The following RAI14 variants were observed in gnomAD, a reference collection of about 807,000 sequenced individuals.
The protein encoded by RAI14 is retinoic acid induced 14, also known as ankycorbin.
Under a neutral mutation model 115.4 loss-of-function variants are expected in RAI14, and 45 were observed. That is an observed-to-expected ratio of 0.39 (90% CI 0.31 to 0.50). The LOEUF (loss-of-function observed/expected upper bound fraction) is 0.50. RAI14 is among the 20% of genes least tolerant of loss of function. The pLI is 0.85. For synonymous variants in RAI14, 371 were observed against 415.4 expected, an observed-to-expected ratio of 0.89 and a Z score of 1.30; for missense variants, 939 against 1,131.2, an observed-to-expected ratio of 0.83 and a Z score of 2.44.
At chr5:34,688,652 G>A (rs1362723381) in intron 2 of RAI14, among the ~76,000 whole-genome samples, 2 of 152,140 alleles carry the variant, frequency 1.3e-5, no homozygotes, top group Non-Finnish European at 2.9e-5. Flanking sequence ...ACCTGGGGGA[G>A]GAGAGCCTGG....
chr5:34,813,697 C>T (rs779857557), intron 11 of RAI14, 37 bp downstream of exon 11: 3 of 1,501,290 alleles, frequency 2.0e-6, no homozygotes, highest in South Asian at 2.4e-5. Context: ...AATAAACGCA[C>T]CACAAGAAAG....
At chr5:34,674,897 ATTT>A (rs35952675) in intron 1 of RAI14, among the ~76,000 whole-genome samples, 1 of 130,312 alleles carries the variant, frequency 7.7e-6, no homozygotes, top group African/African-American at 2.7e-5. Flanking sequence ...ACTTCATTGG[ATTT>A]TTTTTTTTTT....
At position 34,789,730 on chromosome 5, in the gene RAI14, T is replaced by C. The variant is rs140364521; in HGVS notation, c.168-6209T>C. Among the ~76,000 whole-genome samples, 924 of 152,366 alleles carry C rather than the reference T, an allele frequency of 6.1e-3. 11 individuals are homozygous for C. The highest frequency in any genetic ancestry group is 0.021 in the African/African-American group (884 of 41,586). On this transcript the variant is annotated intron_variant, in intron 3 of 17. Transcript: ENST00000265109. ...GTGCCATGCTTTGTGTTGGTGAGGA[T>C]ACAATAATTGGTGGCATGTTTTGAG...
At chr5:34,708,201 G>GTTTTTTTTTTTTTTTTTTTTTTTTT (rs146605112) in intron 2 of RAI14, among the ~76,000 whole-genome samples, 2 of 147,312 alleles carry the variant, frequency 1.4e-5, no homozygotes, top group Non-Finnish European at 3.0e-5. Flanking sequence ...GGAACTTTGG[G>GTTTTTTTTTTTTTTTTTTTTTTTTT]TTTTTGTTTT....
chr5:34,800,943 C>T (rs548001340), intron 4 of RAI14, among the ~76,000 whole-genome samples: 4 of 152,292 alleles, frequency 2.6e-5, no homozygotes, highest in Admixed American at 2.0e-4. Context: ...ATTTGTAAGG[C>T]ATTTGTTTAA....
At chr5:34,682,505 A>C (rs1313135166) in intron 1 of RAI14, among the ~76,000 whole-genome samples, 1 of 151,338 alleles carries the variant, frequency 6.6e-6, no homozygotes, top group Non-Finnish European at 1.5e-5. Context: ...TTTTAAAGGG[A>C]AAATGAACTG....
intron 1 of RAI14, among the ~76,000 whole-genome samples, chr5:34,672,164 T>TA (rs900289456): frequency 7.3e-5 from 11 of 151,642 alleles, no homozygotes; most frequent in South Asian, 2.1e-4. Flanking sequence ...ACTTTTTATT[T>TA]AAAAAAAAAC....
chr5:34,705,425 T>G (rs1391413446), intron 2 of RAI14, among the ~76,000 whole-genome samples: 1 of 152,168 alleles, frequency 6.6e-6, no homozygotes, highest in Non-Finnish European at 1.5e-5. Flanking sequence ...CCAGCTTATT[T>G]GTACTTTATA....
At chr5:34,800,282 G>C (rs1320863356) in intron 4 of RAI14, among the ~76,000 whole-genome samples, 1 of 152,136 alleles carries the variant, frequency 6.6e-6, no homozygotes, top group Non-Finnish European at 1.5e-5. Flanking sequence ...TAAGTAAAAG[G>C]GTTCTTAGAC....
chr5:34,668,888 C>T (rs188846955), intron 1 of RAI14, among the ~76,000 whole-genome samples: 43 of 152,076 alleles, frequency 2.8e-4, no homozygotes, highest in African/African-American at 7.0e-4. Flanking sequence ...GATAGAGTCT[C>T]GCTCTGTCCC....
chr5:34,825,634 C>G (rs778570500), intron 15 of RAI14, among the ~76,000 whole-genome samples: 1 of 151,782 alleles, frequency 6.6e-6, no homozygotes, highest in Non-Finnish European at 1.5e-5. Context: ...TTTGAGATGG[C>G]GCTGGACACA....
intron 2 of RAI14, among the ~76,000 whole-genome samples, chr5:34,730,794 C>T (rs2150021234): frequency 1.3e-5 from 2 of 152,234 alleles, no homozygotes; most frequent in South Asian, 4.2e-4. Flanking sequence ...ACCAGCCTGG[C>T]CAACATGGTG....
intron 3 of RAI14, among the ~76,000 whole-genome samples, chr5:34,762,152 A>G (rs1748734676): frequency 6.6e-6 from 1 of 152,164 alleles, no homozygotes; most frequent in African/African-American, 2.4e-5. Context: ...TTGTGGAGAA[A>G]ACATTCTTTT....
At chr5:34,830,537 GA>G in intron 17 of RAI14, 150 bp from the exon 18 acceptor site, 2 of 1,368,370 alleles carry the variant, frequency 1.5e-6, no homozygotes, top group Non-Finnish European at 1.9e-6. Flanking sequence ...GTTCCTCATA[GA>G]AATTTGGGAA....
intron 2 of RAI14, among the ~76,000 whole-genome samples, chr5:34,715,897 T>C (rs1170096497): frequency 6.6e-6 from 1 of 152,022 alleles, no homozygotes; most frequent in African/African-American, 2.4e-5. Flanking sequence ...TAATCATCAG[T>C]CTTCCCAAAA....
intron 2 of RAI14, among the ~76,000 whole-genome samples, chr5:34,729,529 G>A (rs1468179293): frequency 1.3e-5 from 2 of 152,202 alleles, no homozygotes; most frequent in Admixed American, 6.5e-5. Flanking sequence ...CTTCCAGATG[G>A]AAGTACGCGC....
At chr5:34,786,717 G>T (rs1387954898) in intron 3 of RAI14, among the ~76,000 whole-genome samples, 1 of 152,076 alleles carries the variant, frequency 6.6e-6, no homozygotes, top group Admixed American at 6.6e-5. Context: ...CTTCGACCTG[G>T]GTTTGAGCCT....
chr5:34,690,058 G>A (rs569790403), intron 2 of RAI14, among the ~76,000 whole-genome samples: 3 of 152,266 alleles, frequency 2.0e-5, no homozygotes, highest in Non-Finnish European at 2.9e-5. Flanking sequence ...TGCTGCTGCC[G>A]AACAGGGAAA....
chr5:34,681,918 C>T (rs1334929536), intron 1 of RAI14, among the ~76,000 whole-genome samples: 3 of 144,306 alleles, frequency 2.1e-5, no homozygotes, highest in East Asian at 2.0e-4. Context: ...TGCAGTGGCA[C>T]GATCTTGGCT....
Sources: allele counts gnomAD v4.1 joint callset (sites outside exome capture counted in the v4.1 genomes callset), GRCh38; gene constraint gnomAD v4.1.1; transcripts MANE v1.5; gene names NCBI Gene and HGNC (gene_info 2026-07-23, HGNC 2026-07-21).